The following DPP10 variants were observed in gnomAD, a reference collection of about 807,000 sequenced individuals.
DPP10 encodes the protein inactive dipeptidyl peptidase 10.
In DPP10, 33 loss-of-function variants were observed where a neutral mutation model predicts 120.9. That is an observed-to-expected ratio of 0.27 (90% CI 0.21 to 0.37). The LOEUF is 0.37. Ranked by LOEUF, DPP10 falls within the 10% of genes least tolerant of loss-of-function variation. The pLI, the probability that DPP10 is intolerant of heterozygous loss-of-function variation, is 1.00. For synonymous variants in DPP10, 337 were observed against 326.1 expected (o/e 1.03, Z -0.36); for missense variants, 816 against 942.8 (o/e 0.87, Z 1.76).
At chr2:115,408,003 T>C (rs1205541365) in intron 3 of DPP10, among the ~76,000 whole-genome samples, 1 of 152,002 alleles carries the variant, frequency 6.6e-6, no homozygotes, top group Non-Finnish European at 1.5e-5. Flanking sequence ...CCTTTCTCTT[T>C]CTAGCAAATA....
At chr2:115,089,069 A>G (rs1485977105) in intron 1 of DPP10, among the ~76,000 whole-genome samples, 1 of 151,992 alleles carries the variant, frequency 6.6e-6, no homozygotes. Context: ...CTAAATTTTT[A>G]TGCGCCACCT....
intron 1 of DPP10, among the ~76,000 whole-genome samples, chr2:115,118,106 T>G (rs941382942): frequency 1.3e-5 from 2 of 152,170 alleles, no homozygotes; most frequent in African/African-American, 4.8e-5. Flanking sequence ...GGCAAAGCTA[T>G]TCTCCTGTTT....
At chr2:115,088,762 A>AAAAAAAC (rs1708971894) in intron 1 of DPP10, among the ~76,000 whole-genome samples, 2 of 150,312 alleles carry the variant, frequency 1.3e-5, no homozygotes, top group Non-Finnish European at 3.0e-5. Context: ...AAAAAAAAAA[A>AAAAAAAC]AAAAAAACCA....
At chr2:115,081,661 C>A (rs1708283679) in intron 1 of DPP10, among the ~76,000 whole-genome samples, 1 of 151,922 alleles carries the variant, frequency 6.6e-6, no homozygotes. Context: ...TAGTCTAGCA[C>A]CTTGTTGTCA....
At chr2:114,995,824 T>A (rs992586981) in intron 1 of DPP10, among the ~76,000 whole-genome samples, 1 of 152,198 alleles carries the variant, frequency 6.6e-6, no homozygotes, top group African/African-American at 2.4e-5. Context: ...AATTAAGTAA[T>A]CTCTCCTTTT....
intron 3 of DPP10, among the ~76,000 whole-genome samples, chr2:115,438,776 G>C (rs1018222409): frequency 5.3e-5 from 8 of 150,360 alleles, no homozygotes; most frequent in Non-Finnish European, 8.9e-5. Context: ...GGTCATGGAA[G>C]CACAATGTGG....
At chr2:114,957,231 C>A (rs558763589) in intron 1 of DPP10, among the ~76,000 whole-genome samples, 36 of 151,778 alleles carry the variant, frequency 2.4e-4, no homozygotes, top group African/African-American at 8.4e-4. Flanking sequence ...AACTCAATAA[C>A]AAGAAAATAA....
intron 1 of DPP10, among the ~76,000 whole-genome samples, chr2:115,253,278 C>A (rs182357821): frequency 6.6e-6 from 1 of 152,262 alleles, no homozygotes; most frequent in Admixed American, 6.5e-5. Context: ...TCTCTGCCTT[C>A]AACACTGGGG....
chr2:115,169,550 A>G (rs1181533764), intron 1 of DPP10, among the ~76,000 whole-genome samples: 1 of 152,084 alleles, frequency 6.6e-6, no homozygotes, highest in Non-Finnish European at 1.5e-5. Flanking sequence ...GATTTCTACT[A>G]TTTTTAGATG....
At chr2:115,272,446 A>T (rs2059737886) in intron 1 of DPP10, among the ~76,000 whole-genome samples, 1 of 152,224 alleles carries the variant, frequency 6.6e-6, no homozygotes, top group East Asian at 1.9e-4. Flanking sequence ...TATCAAATAT[A>T]TTCTGAGTTT....
At chr2:114,559,455 G>T (rs1210780379) in intron 1 of DPP10, among the ~76,000 whole-genome samples, 1 of 152,142 alleles carries the variant, frequency 6.6e-6, no homozygotes, top group African/African-American at 2.4e-5. Flanking sequence ...TTTGATTTTA[G>T]CCCACTGAAA....
intron 1 of DPP10, among the ~76,000 whole-genome samples, chr2:114,908,983 T>C (rs559439716): frequency 6.6e-6 from 1 of 151,972 alleles, no homozygotes; most frequent in Admixed American, 6.5e-5. Flanking sequence ...CATTGTCAAG[T>C]TGAAGTTAAT....
At chr2:114,951,254 A>G (rs1697762907) in intron 1 of DPP10, among the ~76,000 whole-genome samples, 1 of 152,152 alleles carries the variant, frequency 6.6e-6, no homozygotes, top group African/African-American at 2.4e-5. Flanking sequence ...AGAAAGCTCA[A>G]CCTTCAGTCA....
intron 1 of DPP10, among the ~76,000 whole-genome samples, chr2:114,866,982 T>C (rs969194180): frequency 1.3e-5 from 2 of 152,194 alleles, no homozygotes; most frequent in Admixed American, 1.3e-4. Context: ...TTGTCATTGG[T>C]TCTTGCCTTG....
At chr2:114,967,166 T>C (rs1699093109) in intron 1 of DPP10, among the ~76,000 whole-genome samples, 1 of 152,104 alleles carries the variant, frequency 6.6e-6, no homozygotes, top group Non-Finnish European at 1.5e-5. Context: ...ATAGGGGATA[T>C]AAAGTTGAGC....
At position 115,603,148 on chromosome 2, in the gene DPP10, G is replaced by GTGTA. The variant is rs1553459647; in HGVS notation, c.441+77179_441+77180insATGT. ...TGTGTGTGTGTGTGTGTGTGTGTGT[G>GTGTA]TGTGTGTGTGTGTGTGTGTGTATAG... is the stretch of plus-strand genomic sequence containing the variant. On this transcript the variant is annotated intron_variant, in intron 5 of 25. Coordinates refer to ENST00000410059, the MANE Select transcript of DPP10 (RefSeq NM_020868.6). Among the ~76,000 whole-genome samples the GTGTA allele has an allele frequency of 6.0e-5, 9 of 149,790 alleles. No homozygotes were observed. The East Asian group carries it at 9.8e-4, about 16-fold the overall frequency.
At chr2:114,637,797 G>T (rs1376532293) in intron 1 of DPP10, among the ~76,000 whole-genome samples, 1 of 151,726 alleles carries the variant, frequency 6.6e-6, no homozygotes, top group Non-Finnish European at 1.5e-5. Context: ...ATGGCTGTAT[G>T]TGTGCGGTCT....
intron 1 of DPP10, among the ~76,000 whole-genome samples, chr2:114,875,814 A>G (rs965102170): frequency 2.6e-5 from 4 of 152,150 alleles, no homozygotes; most frequent in African/African-American, 9.6e-5. Flanking sequence ...TTAGAGAGAT[A>G]CTTTAATTAG....
chr2:115,527,745 A>G (rs1257679962), intron 5 of DPP10, among the ~76,000 whole-genome samples: 1 of 152,184 alleles, frequency 6.6e-6, no homozygotes, highest in Non-Finnish European at 1.5e-5. Context: ...ACAGATGGCA[A>G]TAAGTACATG....
Sources: gnomAD v4.1 joint callset for allele counts (sites outside exome capture counted in the v4.1 genomes callset) on GRCh38, gnomAD v4.1.1 for gene constraint, MANE v1.5 for transcripts, NCBI Gene and HGNC (gene_info 2026-07-23, HGNC 2026-07-21) for gene names.